The following DIDO1 variants were observed in gnomAD, a reference collection of about 807,000 sequenced individuals.
DIDO1 encodes death inducer-obliterator 1.
DIDO1 carries 16 observed loss-of-function variants against 99.4 expected under a neutral mutation model. The ratio of observed to expected loss-of-function variants is 0.16; its 90% CI spans 0.11 to 0.24. The LOEUF (loss-of-function observed/expected upper bound fraction) is 0.24. Among genes scored for constraint, DIDO1 ranks in the 10% least tolerant of loss-of-function variants. DIDO1 has a pLI of 1.00. For synonymous variants in DIDO1, 1,366 were observed against 1,239.1 expected, an observed-to-expected ratio of 1.10 and a Z score of -2.15; for missense variants, 2,996 against 3,014.0, an observed-to-expected ratio of 0.99 and a Z score of 0.14.
rs2064370190 is a variant in DIDO1 at position 62,890,233 on chromosome 20, G to A, written c.3541+727C>T. 4.1e-6 allele frequency: 4 copies of A among 985,828 alleles called. No individual in the cohort carries two copies. The South Asian group carries it at 1.9e-4, about 46-fold the overall frequency. The allele number at this position is 985,828 out of a possible 1,614,324, so 61.1% of individuals were successfully genotyped here. A position where few individuals can be genotyped will look rare whatever the true frequency, so the allele number is the denominator to read the frequency against. ...ATCCTCTGGGGACTGCATGGCCACG[G>A]AGACACTTCAGTTGGGCATCAGATA... On this transcript the variant is annotated intron_variant, in intron 15 of 15. Transcript: ENST00000395343.
intron 15 of DIDO1, among the ~76,000 whole-genome samples, chr20:62,885,814 G>C (rs1050304928): frequency 2.0e-5 from 3 of 152,244 alleles, no homozygotes; most frequent in African/African-American, 2.4e-5. Context: ...TTCGTGGAAG[G>C]AGCAGTGCAC....
In DIDO1 at chr20:62,894,220, TG is replaced by T; in HGVS notation, c.2573-27del. ...CTGAAGAAGGCGAGGAAAGGCTCTG[TG>T]AGAAACCCAGCCGGCACACTGGTGT... On this transcript the variant is annotated intron_variant, in intron 11 of 15. Transcript: ENST00000395343. The surrounding 1 kb of genome is among the most constrained non-coding windows in gnomAD (Gnocchi z 4.4). 6.2e-7 allele frequency: 1 copy of T among 1,602,730 alleles called. No individual in the cohort carries two copies. The highest frequency in any genetic ancestry group is 1.1e-5 in the South Asian group (1 of 90,730).
rs2064162779 is a variant in DIDO1, at chr20:62,879,673, G to A, written c.6283C>T (p.Pro2095Ser). 2 of 1,609,332 alleles carry A rather than the reference G, an allele frequency of 1.2e-6. No homozygotes were observed. Among genetic ancestry groups the A allele is most frequent in the East Asian group, 2.2e-5 (1 of 44,864 alleles). The change falls in exon 16 of 16, where the codon CCC (proline) becomes TCC (serine). Residue 2095 changes from proline (P) to serine (S), a missense_variant. Physicochemically the swap from Pro to Ser is moderately conservative, Grantham distance 74 (BLOSUM62 -1). Transcript: ENST00000395343. This position sits in a 1 kb window ranked among gnomAD's most constrained non-coding sequence, Gnocchi z 6.3. ...GRQRERFDVG[P>S]KEKPLEEPDA... Reference sequence around the variant, plus strand: ...GGCTCCTCCAGCGGCTTCTCTTTGGGCCCCACGTCAAACCGCTCTCTCTGC... The same window carrying A: ...GGCTCCTCCAGCGGCTTCTCTTTGGACCCCACGTCAAACCGCTCTCTCTGC...
chr20:62,905,416 G>C, intron 6 of DIDO1: 1 of 1,492,278 alleles, frequency 6.7e-7, no homozygotes, highest in Non-Finnish European at 9.0e-7. Context: ...AACTTGCAAA[G>C]ATTCCCACAA....
At chr20:62,887,241 G>C (rs1179040111) in intron 15 of DIDO1, 3 of 985,268 alleles carry the variant, frequency 3.0e-6, no homozygotes, top group Non-Finnish European at 2.4e-6. Flanking sequence ...TATTGATTTA[G>C]GAGGAGAAGG....
intron 15 of DIDO1, chr20:62,890,485 A>G: frequency 2.0e-6 from 2 of 992,732 alleles, no homozygotes; most frequent in Admixed American, 5.7e-5. Context: ...AGATTTTAAA[A>G]TAATTATTTC....
At chr20:62,884,778 C>A (rs1398681898) in intron 15 of DIDO1, among the ~76,000 whole-genome samples, 1 of 152,174 alleles carries the variant, frequency 6.6e-6, no homozygotes, top group Non-Finnish European at 1.5e-5. Flanking sequence ...CTGGACAGAG[C>A]TGAGATTCCC....
intron 15 of DIDO1, chr20:62,887,505 G>T (rs1039472681): frequency 3.0e-6 from 3 of 985,348 alleles, no homozygotes; most frequent in Admixed American, 6.1e-5. Context: ...AGCTACAGAG[G>T]GCGGTGTTTC....
chr20:62,905,336 A>T, intron 6 of DIDO1: 2 of 1,432,844 alleles, frequency 1.4e-6, no homozygotes, highest in Non-Finnish European at 1.8e-6. Context: ...TGAATCGGAC[A>T]TGGAAAAAAA....
chr20:62,879,115 A>G lies in DIDO1; in HGVS notation c.*118T>C, dbSNP rs1466325501. The G allele has an allele frequency of 1.1e-6, 1 of 885,652 alleles. No individual in the cohort carries two copies. The highest frequency in any genetic ancestry group is 1.8e-5 in the African/African-American group (1 of 56,510). The allele number at this position is 885,652 out of a possible 1,614,324, so 54.9% of individuals were successfully genotyped here. On this transcript the variant is annotated 3_prime_UTR_variant, in exon 16 of 16. Transcript: ENST00000395343. The surrounding 1 kb of genome is among the most constrained non-coding windows in gnomAD (Gnocchi z 6.3). ...GAAACCATTTACACAAAATTACAGT[A>G]ATGTTTAAGTCCAGAATATTCTATC...
In DIDO1 at chr20:62,895,315, C is replaced by T. The variant is rs1413626243; in HGVS notation, c.2215-150G>A. ...TGCGTGTGGCACTGGGCAGAGCCCT[C>T]CCTGCAGGGTGTGACCTAACTCCCC... On this transcript the variant is annotated intron_variant, in intron 8 of 15. Coordinates refer to ENST00000395343, the MANE Select transcript of DIDO1 (RefSeq NM_001193369.2). 4.0e-5 allele frequency: 28 copies of T among 692,768 alleles called. No individual in the cohort carries two copies. The East Asian group carries it at 7.2e-4, about 18-fold the overall frequency. 42.9% of individuals were successfully genotyped at this position (692,768 alleles called of 1,614,324 possible).
Position 62,882,006 on chromosome 20 carries a change from A to G in DIDO1, c.3950T>C (p.Ile1317Thr). 1 of 1,613,378 alleles carries G rather than the reference A, an allele frequency of 6.2e-7. No individual in the cohort carries two copies. The highest frequency in any genetic ancestry group is 8.5e-7 in the Non-Finnish European group (1 of 1,179,998). ...ASKTASPLEH[I>T]LQTLFGKKKS... ...CTTCTTTCCAAAGAGAGTCTGCAGG[A>G]TGTGCTCCAGCGGTGATGCTGTTTT... The change falls in exon 16 of 16, where the codon ATC becomes ACC. Residue 1317 changes from isoleucine (I) to threonine (T), a missense_variant. By Grantham distance (89) the Ile-to-Thr change is moderately conservative. Coordinates refer to ENST00000395343, the MANE Select transcript of DIDO1 (RefSeq NM_001193369.2).
chr20:62,905,515 TG>T (rs1568860872), intron 6 of DIDO1: 3 of 1,550,876 alleles, frequency 1.9e-6, no homozygotes, highest in Middle Eastern at 1.7e-4. Context: ...GAACAACTCA[TG>T]TGCAGACAGG....
chr20:62,934,982 T>C (rs2065367502), intron 1 of DIDO1, among the ~76,000 whole-genome samples: 3 of 152,248 alleles, frequency 2.0e-5, no homozygotes, highest in African/African-American at 7.2e-5. Context: ...GGGCTTCCTC[T>C]GAATACTGTA....
In DIDO1 at chr20:62,879,010, T is replaced by C; in HGVS notation, c.*223A>G. 1 of 456,198 alleles carries C rather than the reference T, an allele frequency of 2.2e-6. No individual in the cohort carries two copies. The highest frequency in any genetic ancestry group is 3.5e-5 in the East Asian group (1 of 28,838). 28.3% of individuals were successfully genotyped at this position (456,198 alleles called of 1,614,324 possible). On this transcript the variant is annotated 3_prime_UTR_variant, in exon 16 of 16. Transcript: ENST00000395343. This position sits in a 1 kb window ranked among gnomAD's most constrained non-coding sequence, Gnocchi z 6.3. Reference sequence around the variant, plus strand: ...TATGCTCCGTAGGCAATTTCCCATTTCTTTTAATTTTAAATGGAAATATTA... The same window carrying C: ...TATGCTCCGTAGGCAATTTCCCATTCCTTTTAATTTTAAATGGAAATATTA...
intron 14 of DIDO1, among the ~76,000 whole-genome samples, chr20:62,891,556 A>G (rs6089809): frequency 0.65 from 98,106 of 151,996 alleles, 33,977 homozygotes; most frequent in African/African-American, 0.91. Context: ...AGAAAACCAG[A>G]ACCGTTCAAG....
intron 1 of DIDO1, among the ~76,000 whole-genome samples, chr20:62,934,297 G>A (rs1312010374): frequency 1.3e-5 from 2 of 152,156 alleles, no homozygotes; most frequent in Non-Finnish European, 2.9e-5. Context: ...ACACCTGGCT[G>A]TAGTTGCCTT....
At chr20:62,929,948 G>C (rs1321693438), upstream of DIDO1, among the ~76,000 whole-genome samples, 1 of 151,850 alleles carries the variant, frequency 6.6e-6, no homozygotes, top group African/African-American at 2.4e-5. Flanking sequence ...ATACTAACCA[G>C]ATCTGCCAGG....
At chr20:62,888,520 C>T in intron 15 of DIDO1, 1 of 985,580 alleles carries the variant, frequency 1.0e-6, no homozygotes, top group Non-Finnish European at 1.2e-6. Context: ...CACACGCTCA[C>T]CCCTGACCAC....
Sources: gnomAD v4.1 joint callset for allele counts (sites outside exome capture counted in the v4.1 genomes callset) on GRCh38, gnomAD v4.1.1 for gene constraint, Gnocchi (gnomAD v3.1) non-coding constraint, MANE v1.5 for transcripts, NCBI Gene and HGNC (gene_info 2026-07-23, HGNC 2026-07-21) for gene names.